ADARB1: variants seen among roughly 807,000 people sequenced by gnomAD.
ADARB1 encodes adenosine deaminase RNA specific B1.
Under a neutral mutation model 52.4 loss-of-function variants are expected in ADARB1, and 10 were observed. That is an observed-to-expected ratio of 0.19 (90% CI 0.12 to 0.32). ADARB1 has a LOEUF of 0.32. ADARB1 is among the 10% of genes least tolerant of loss of function. ADARB1 has a pLI of 1.00. For synonymous variants in ADARB1, 349 were observed against 371.1 expected (o/e 0.94, Z 0.68); for missense variants, 643 against 922.3 (o/e 0.70, Z 3.92).
chr21:45,134,813 GA>G (rs1274604551), intron 2 of ADARB1: 1 of 534,208 alleles, frequency 1.9e-6, no homozygotes, highest in Admixed American at 1.9e-5. Context: ...TCCCGAGGAT[GA>G]AGACGCCTTG....
At position 45,224,000 on chromosome 21, in the gene ADARB1, G is replaced by T; in HGVS notation, c.*1803G>T. On this transcript the variant is annotated 3_prime_UTR_variant, in exon 11 of 11. Coordinates refer to ENST00000348831, the MANE Select transcript of ADARB1 (RefSeq NM_001112.4). ...CTCTGCCGCTCCGTCACCACAGTGG[G>T]GTTTTGTTCAGGCAGATCGCGCTGG... 1 of 985,470 alleles carries T rather than the reference G, an allele frequency of 1.0e-6. No individual in the cohort carries two copies. The highest frequency in any genetic ancestry group is 1.7e-5 in the African/African-American group (1 of 57,350). The allele number at this position is 985,470 out of a possible 1,614,324, so 61.0% of individuals were successfully genotyped here.
intron 2 of ADARB1, among the ~76,000 whole-genome samples, chr21:45,131,256 T>C (rs553470529): frequency 6.6e-6 from 1 of 152,274 alleles, no homozygotes; most frequent in East Asian, 1.9e-4. Flanking sequence ...GTGGGGTAGG[T>C]ACTGAGCTGG....
intron 1 of ADARB1, among the ~76,000 whole-genome samples, chr21:45,096,649 A>G (rs530851939): frequency 2.0e-5 from 3 of 152,346 alleles, no homozygotes; most frequent in East Asian, 1.9e-4. Flanking sequence ...AGGGGCGATC[A>G]TACTATAGAA....
At chr21:45,214,179 T>C (rs1183958339) in intron 9 of ADARB1, among the ~76,000 whole-genome samples, 1 of 152,256 alleles carries the variant, frequency 6.6e-6, no homozygotes, top group African/African-American at 2.4e-5. Flanking sequence ...GCCATCCCTG[T>C]GCCTTCTTCA....
At chr21:45,145,979 C>G (rs1017708026) in intron 2 of ADARB1, 3 of 152,260 alleles carry the variant, frequency 2.0e-5, no homozygotes, top group Non-Finnish European at 4.4e-5. Context: ...CTGTGGACTC[C>G]TCACTAGGAG....
intron 1 of ADARB1, among the ~76,000 whole-genome samples, chr21:45,111,620 T>C (rs1344998990): frequency 6.6e-6 from 1 of 152,344 alleles, no homozygotes; most frequent in Non-Finnish European, 1.5e-5. Flanking sequence ...ATTTTTTAAC[T>C]ATATAAATGC....
intron 1 of ADARB1, among the ~76,000 whole-genome samples, chr21:45,122,913 C>T (rs993447589): frequency 1.3e-5 from 2 of 152,142 alleles, no homozygotes; most frequent in African/African-American, 4.8e-5. Flanking sequence ...ACCTGTGGTT[C>T]CTTAGCTCTT....
At chr21:45,135,039 G>C (rs1421923893) in intron 2 of ADARB1, among the ~76,000 whole-genome samples, 1 of 152,158 alleles carries the variant, frequency 6.6e-6, no homozygotes, top group Non-Finnish European at 1.5e-5. Context: ...TTTTTAAGGA[G>C]TTATAAAACA....
At chr21:45,125,449 A>G (rs1326765256) in intron 1 of ADARB1, among the ~76,000 whole-genome samples, 1 of 152,178 alleles carries the variant, frequency 6.6e-6, no homozygotes, top group Non-Finnish European at 1.5e-5. Flanking sequence ...AGCCCCTGTG[A>G]TCTCTTCAGA....
intron 1 of ADARB1, among the ~76,000 whole-genome samples, chr21:45,077,600 G>A (rs554280163): frequency 6.6e-6 from 1 of 152,158 alleles, no homozygotes; most frequent in East Asian, 1.9e-4. Flanking sequence ...CCAGGAGGCG[G>A]AGCTTGCAAT....
chr21:45,125,511 T>C (rs2088518980), intron 1 of ADARB1, among the ~76,000 whole-genome samples: 1 of 152,262 alleles, frequency 6.6e-6, no homozygotes, highest in African/African-American at 2.4e-5. Flanking sequence ...GGAGGTGGAA[T>C]CTGGCTTCCT....
intron 2 of ADARB1, among the ~76,000 whole-genome samples, chr21:45,137,937 C>A (rs1052645564): frequency 6.6e-6 from 1 of 152,124 alleles, no homozygotes; most frequent in African/African-American, 2.4e-5. Context: ...GCTGGGCCTG[C>A]TGGGGGCAGG....
At chr21:45,089,636 G>A (rs905528367) in intron 1 of ADARB1, among the ~76,000 whole-genome samples, 6 of 152,014 alleles carry the variant, frequency 3.9e-5, no homozygotes, top group African/African-American at 1.4e-4. Flanking sequence ...TATGAAATTT[G>A]TTTTTGTACA....
chr21:45,221,113 A>G lies in ADARB1; in HGVS notation c.1926+99A>G, dbSNP rs1157797056. 10 of 1,332,530 alleles carry G rather than the reference A, an allele frequency of 7.5e-6. No individual in the cohort carries two copies. The highest frequency in any genetic ancestry group is 1.0e-5 in the Non-Finnish European group (10 of 990,320). 82.5% of individuals were successfully genotyped at this position (1,332,530 alleles called of 1,614,324 possible). ...CCTTAAGTTGTTTCATCATGTCATC[A>G]TGCACAGCTTCCGAAAACGATCACT... is the stretch of plus-strand genomic sequence containing the variant. On this transcript the variant is annotated intron_variant, in intron 10 of 10. Transcript: ENST00000348831. The surrounding 1 kb of genome is among the most constrained non-coding windows in gnomAD (Gnocchi z 4.9).
At position 45,225,241 on chromosome 21, in the gene ADARB1, G is replaced by A; in HGVS notation, c.*3044G>A. 8.9e-7 allele frequency: 1 copy of A among 1,119,466 alleles called. No homozygotes were observed. Among genetic ancestry groups the A allele is most frequent in the Non-Finnish European group, 1.1e-6 (1 of 916,954 alleles). The allele number at this position is 1,119,466 out of a possible 1,614,324, so 69.3% of individuals were successfully genotyped here. On this transcript the variant is annotated 3_prime_UTR_variant, in exon 11 of 11. Transcript: ENST00000348831. ...CATGAGGCAGCGACAGGTCCAGATGGATGTCGTCACCACCTTCCTCAGCTC... is the reference window on the plus strand; with the variant it reads ...CATGAGGCAGCGACAGGTCCAGATGAATGTCGTCACCACCTTCCTCAGCTC...
chr21:45,211,957 G>A (rs1311708037), intron 9 of ADARB1, among the ~76,000 whole-genome samples: 3 of 152,168 alleles, frequency 2.0e-5, no homozygotes, highest in African/African-American at 4.8e-5. Flanking sequence ...TTGGAAGCTC[G>A]GGCTATTTTC....
At chr21:45,083,862 G>A (rs1014624404) in intron 1 of ADARB1, among the ~76,000 whole-genome samples, 4 of 152,052 alleles carry the variant, frequency 2.6e-5, no homozygotes, top group South Asian at 2.1e-4. Flanking sequence ...CACCACACCC[G>A]GCTAATTTTT....
chr21:45,212,680 T>G (rs1376273675), intron 9 of ADARB1, among the ~76,000 whole-genome samples: 1 of 152,096 alleles, frequency 6.6e-6, no homozygotes, highest in Non-Finnish European at 1.5e-5. Context: ...CTGATTGTTT[T>G]CCTTCAGACC....
intron 9 of ADARB1, among the ~76,000 whole-genome samples, chr21:45,216,029 A>G (rs1334821670): frequency 2.6e-5 from 4 of 152,138 alleles, no homozygotes; most frequent in African/African-American, 9.7e-5. Flanking sequence ...ATCTGTTTTT[A>G]TCTTTTTTCT....
Sources: allele counts gnomAD v4.1 joint callset (sites outside exome capture counted in the v4.1 genomes callset), GRCh38; gene constraint gnomAD v4.1.1; non-coding constraint Gnocchi (gnomAD v3.1); transcripts MANE v1.5; gene names NCBI Gene and HGNC (gene_info 2026-07-23, HGNC 2026-07-21).